The following DAP variants were observed in gnomAD, a reference collection of about 807,000 sequenced individuals.
The protein encoded by DAP is death associated protein, also known as death-associated protein 1.
DAP carries 8 observed loss-of-function variants against 13.8 expected under a neutral mutation model. The ratio of observed to expected loss-of-function variants is 0.58; its 90% CI spans 0.34 to 1.05. DAP has a LOEUF of 1.05. DAP is among the 50% of genes least tolerant of loss of function. The probability of loss-of-function intolerance (pLI) is 0.03; values close to 1 mark genes in which losing one functional copy is unlikely to be tolerated. For missense variants in DAP, 106 were observed against 133.2 expected (o/e 0.80, Z 1.01); for synonymous variants, 47 against 47.5 (o/e 0.99, Z 0.04).
At chr5:10,728,710 G>A (rs969729777) in intron 2 of DAP, among the ~76,000 whole-genome samples, 2 of 152,048 alleles carry the variant, frequency 1.3e-5, no homozygotes, top group South Asian at 4.1e-4. Flanking sequence ...TACAACTTTC[G>A]ATCACGACCA....
Position 10,730,758 on chromosome 5 carries a change from C to G in DAP, c.152+17417G>C, listed in dbSNP as rs868669963. On this transcript the variant is annotated intron_variant, in intron 2 of 3. Transcript: ENST00000230895. ...GAGCCCTGGTGGGGGGAATCTTTCT[C>G]TACTGAGAGCCCTGGTAGGGGGAAT... Among the ~76,000 whole-genome samples, 156 of 100,680 alleles carry G rather than the reference C, an allele frequency of 1.5e-3. 2 individuals are homozygous for G. The highest frequency in any genetic ancestry group is 2.5e-3 in the East Asian group (7 of 2,844). The allele number at this position is 100,680 out of a possible 152,430, so 66.0% of individuals were successfully genotyped here. A position where few individuals can be genotyped will look rare whatever the true frequency, so the allele number is the denominator to read the frequency against.
chr5:10,692,078 T>A (rs1275661989), intron 2 of DAP, among the ~76,000 whole-genome samples: 1 of 152,158 alleles, frequency 6.6e-6, no homozygotes, highest in Admixed American at 6.5e-5. Context: ...CAAGACTGAG[T>A]TTGATGGTCT....
At chr5:10,717,901 T>C (rs569194632) in intron 2 of DAP, among the ~76,000 whole-genome samples, 7 of 152,310 alleles carry the variant, frequency 4.6e-5, no homozygotes, top group African/African-American at 1.7e-4. Flanking sequence ...GGAAAGCTTC[T>C]AGGTGAAATG....
chr5:10,695,651 G>A (rs1002411742), intron 2 of DAP, among the ~76,000 whole-genome samples: 2 of 152,154 alleles, frequency 1.3e-5, no homozygotes, highest in Non-Finnish European at 2.9e-5. Flanking sequence ...AGGCTGGGAC[G>A]GCAATCTGCC....
At chr5:10,711,517 A>T (rs1279316342) in intron 2 of DAP, among the ~76,000 whole-genome samples, 1 of 152,216 alleles carries the variant, frequency 6.6e-6, no homozygotes, top group Non-Finnish European at 1.5e-5. Context: ...ACCTACCTCC[A>T]GCGTTTATGC....
chr5:10,729,670 G>A (rs1009905778), intron 2 of DAP, among the ~76,000 whole-genome samples: 10 of 152,170 alleles, frequency 6.6e-5, no homozygotes, highest in Admixed American at 3.3e-4. Context: ...ACCACATTCT[G>A]ACTAGCACAC....
At chr5:10,720,743 G>A (rs565834458) in intron 2 of DAP, among the ~76,000 whole-genome samples, 1 of 152,334 alleles carries the variant, frequency 6.6e-6, no homozygotes, top group Non-Finnish European at 1.5e-5. Flanking sequence ...ATTCCTCGGG[G>A]TGATCAGCCA....
chr5:10,745,745 T>C (rs2126676692), intron 2 of DAP, among the ~76,000 whole-genome samples: 1 of 152,366 alleles, frequency 6.6e-6, no homozygotes, highest in South Asian at 2.1e-4. Flanking sequence ...CTTATTCCAC[T>C]TAAACTCACC....
In DAP at chr5:10,754,440, G is replaced by A. The variant is rs142422380; in HGVS notation, c.56-6169C>T. Among the ~76,000 whole-genome samples, 774 of 152,322 alleles carry A rather than the reference G, an allele frequency of 5.1e-3. 7 individuals are homozygous for A. Among genetic ancestry groups the A allele is most frequent in the African/African-American group, 0.018 (746 of 41,566 alleles). On this transcript the variant is annotated intron_variant, in intron 1 of 3. Transcript: ENST00000230895. ...CTGCTATTCTGTGCTCAGAATCATA[G>A]ACTGTGAAGGTGAGAAGGCTCTTAA...
intron 2 of DAP, among the ~76,000 whole-genome samples, chr5:10,738,483 C>T (rs749593082): frequency 5.9e-5 from 9 of 152,190 alleles, no homozygotes; most frequent in East Asian, 5.8e-4. Flanking sequence ...GACAAGACCT[C>T]GCTTCTGTGC....
chr5:10,711,554 C>T (rs1738854013), intron 2 of DAP, among the ~76,000 whole-genome samples: 2 of 152,218 alleles, frequency 1.3e-5, no homozygotes, highest in African/African-American at 4.8e-5. Flanking sequence ...CTTCTACGCT[C>T]TCTTACTCTA....
intron 2 of DAP, among the ~76,000 whole-genome samples, chr5:10,710,301 C>A (rs1738814989): frequency 6.6e-6 from 1 of 152,218 alleles, no homozygotes; most frequent in Non-Finnish European, 1.5e-5. Flanking sequence ...ATATCACAGG[C>A]CCATCTCCAA....
intron 2 of DAP, among the ~76,000 whole-genome samples, chr5:10,728,610 C>A (rs1237104616): frequency 2.0e-5 from 3 of 152,174 alleles, no homozygotes; most frequent in African/African-American, 7.2e-5. Context: ...GAAAACTTGA[C>A]CTTCCAGTAA....
chr5:10,741,848 G>A (rs1739764317), intron 2 of DAP, among the ~76,000 whole-genome samples: 1 of 152,266 alleles, frequency 6.6e-6, no homozygotes, highest in Non-Finnish European at 1.5e-5. Context: ...AGCTGAGGCT[G>A]AAGGTGGTGC....
chr5:10,688,593 G>A (rs1303078510), intron 2 of DAP, among the ~76,000 whole-genome samples: 2 of 152,106 alleles, frequency 1.3e-5, no homozygotes, highest in African/African-American at 2.4e-5. Context: ...TTATTGAAAC[G>A]CAGACAAGCA....
intron 2 of DAP, among the ~76,000 whole-genome samples, chr5:10,717,540 T>C (rs1739022165): frequency 6.6e-6 from 1 of 152,206 alleles, no homozygotes; most frequent in Admixed American, 6.5e-5. Context: ...TCCCGACCCA[T>C]GCTGCCACCA....
intron 3 of DAP, among the ~76,000 whole-genome samples, chr5:10,681,926 T>C (rs571932328): frequency 2.1e-5 from 3 of 144,246 alleles, no homozygotes; most frequent in East Asian, 4.1e-4. Context: ...AGCATGGCGG[T>C]TGTATATGAG....
intron 2 of DAP, among the ~76,000 whole-genome samples, chr5:10,696,671 A>G (rs1404769544): frequency 1.3e-5 from 2 of 152,206 alleles, no homozygotes; most frequent in East Asian, 3.8e-4. Context: ...CTATGTAAAG[A>G]CAGTCTAGAA....
chr5:10,685,118 C>T lies in DAP; in HGVS notation c.153-1547G>A, dbSNP rs548884188. 1.0e-4 allele frequency among the ~76,000 whole-genome samples: 11 copies of T among 110,428 alleles called. No homozygotes were observed. The South Asian group carries it at 3.4e-3, about 34-fold the overall frequency. 72.4% of individuals were successfully genotyped at this position (110,428 alleles called of 152,430 possible). A position where few individuals can be genotyped will look rare whatever the true frequency, so the allele number is the denominator to read the frequency against. The stretch of plus-strand genomic sequence containing the variant: ...AAAGTTCACTGACTGTTTACTTCCC[C>T]AAAGAGTTTACCAAAAACACCTGAA... On this transcript the variant is annotated intron_variant, in intron 2 of 3. Coordinates refer to ENST00000230895, the MANE Select transcript of DAP (RefSeq NM_004394.3).
Sources: gnomAD v4.1 joint callset for allele counts (sites outside exome capture counted in the v4.1 genomes callset) on GRCh38, gnomAD v4.1.1 for gene constraint, MANE v1.5 for transcripts, NCBI Gene and HGNC (gene_info 2026-07-23, HGNC 2026-07-21) for gene names.